PCNX2: variants seen among roughly 807,000 people sequenced by gnomAD.
PCNX2 encodes the protein pecanex 2, also known as pecanex-like protein 2.
PCNX2 carries 168 observed loss-of-function variants against 223.8 expected under a neutral mutation model. That is an observed-to-expected ratio of 0.75 (90% CI 0.66 to 0.85). PCNX2 has a LOEUF of 0.85. Ranked by LOEUF, PCNX2 falls within the 40% of genes least tolerant of loss-of-function variation. PCNX2 has a pLI of 0.00. For synonymous variants in PCNX2, 1,006 were observed against 1,052.6 expected (o/e 0.96, Z 0.86); for missense variants, 2,507 against 2,675.5 (o/e 0.94, Z 1.39).
chr1:232,999,458 T>C (rs1314412582), intron 30 of PCNX2, 79 bp from the exon 31 acceptor site: 161 of 1,409,816 alleles, frequency 1.1e-4, no homozygotes, highest in South Asian at 4.6e-4. Flanking sequence ...TTTTCTTTTT[T>C]TTTTTTTTTT....
intron 12 of PCNX2, chr1:233,210,657 GAATC>G: frequency 2.0e-6 from 2 of 985,170 alleles, no homozygotes; most frequent in Non-Finnish European, 2.4e-6. Context: ...TGCCACATAT[GAATC>G]AATCATCAAA....
Position 233,251,216 on chromosome 1 carries a change from A to G in PCNX2, c.2129-384T>C, listed in dbSNP as rs2274290. ...TAACCAGATTTTTTGGTATACGAAT[A>G]CCTCAGTATCATGTGCAAAAAGCAG... On this transcript the variant is annotated intron_variant, in intron 7 of 33. Transcript: ENST00000258229. 7.9e-5 allele frequency among the ~76,000 whole-genome samples: 12 copies of G among 152,332 alleles called. No individual in the cohort carries two copies. The East Asian group carries it at 2.3e-3, about 29-fold the overall frequency.
Position 233,252,426 on chromosome 1 carries a change from T to C in PCNX2, c.2056A>G (p.Ile686Val). The part of the protein sequence containing the change: ...SQQDSSVLQV[I>V]SGPETSVQEE... The stretch of plus-strand genomic sequence containing the variant: ...TGTACAGATGTTTCAGGCCCACTGA[T>C]GACTTGCAAGACAGAACTATCTTGT... Residue 686 changes from isoleucine to valine, a missense_variant, in exon 7 of 34, where the codon ATC becomes GTC. By Grantham distance (29) the Ile-to-Val change is conservative. Transcript: ENST00000258229. The C allele has an allele frequency of 6.2e-7, 1 of 1,613,892 alleles. No homozygotes were observed. Among genetic ancestry groups the C allele is most frequent in the Non-Finnish European group, 8.5e-7 (1 of 1,179,752 alleles).
intron 12 of PCNX2, among the ~76,000 whole-genome samples, chr1:233,211,138 T>C (rs1234928153): frequency 6.6e-6 from 1 of 152,054 alleles, no homozygotes; most frequent in East Asian, 1.9e-4. Context: ...CTGGGGTGTC[T>C]GGGAAAATTG....
intron 21 of PCNX2, among the ~76,000 whole-genome samples, chr1:233,115,813 A>C (rs554055638): frequency 2.2e-4 from 33 of 152,340 alleles, no homozygotes; most frequent in African/African-American, 7.7e-4. Flanking sequence ...AAACACTACC[A>C]TATCAATGAT....
At chr1:233,007,899 G>A (rs577865682) in intron 28 of PCNX2, among the ~76,000 whole-genome samples, 2 of 151,896 alleles carry the variant, frequency 1.3e-5, no homozygotes, top group African/African-American at 4.8e-5. Context: ...GGCTAGTCTC[G>A]AACTCCTGAC....
rs983527230 is a variant in PCNX2 at position 233,225,381 on chromosome 1, G to A, written c.2504+1845C>T. Reference sequence around the variant, plus strand: ...TATACCCATTTAACAGATAGGAAACGGACGCACTGGAAGGTTTCATAGCCA... The same window carrying A: ...TATACCCATTTAACAGATAGGAAACAGACGCACTGGAAGGTTTCATAGCCA... On this transcript the variant is annotated intron_variant, in intron 10 of 33. Transcript: ENST00000258229. Among the ~76,000 whole-genome samples the A allele has an allele frequency of 6.6e-5, 10 of 152,046 alleles. No homozygotes were observed. In the East Asian group the frequency reaches 9.6e-4, roughly 15 times the overall value.
chr1:233,122,946 A>G (rs969714957), intron 21 of PCNX2, among the ~76,000 whole-genome samples: 1 of 152,210 alleles, frequency 6.6e-6, no homozygotes, highest in African/African-American at 2.4e-5. Context: ...GGGACAGTCT[A>G]TAAAATACCT....
intron 17 of PCNX2, among the ~76,000 whole-genome samples, chr1:233,171,872 AT>A (rs1240086422): frequency 4.6e-5 from 7 of 151,150 alleles, no homozygotes; most frequent in African/African-American, 7.3e-5. Context: ...AAATTTCTTG[AT>A]TTTTTTTCTT....
At chr1:233,267,412 G>A (rs1337402375) in intron 1 of PCNX2, among the ~76,000 whole-genome samples, 1 of 152,100 alleles carries the variant, frequency 6.6e-6, no homozygotes, top group Non-Finnish European at 1.5e-5. Flanking sequence ...AAAATGTAGA[G>A]CTGAGGAGTG....
At chr1:233,248,761 A>G (rs550590639) in intron 8 of PCNX2, among the ~76,000 whole-genome samples, 14 of 152,128 alleles carry the variant, frequency 9.2e-5, no homozygotes, top group Non-Finnish European at 2.1e-4. Context: ...AGGGCCTGGT[A>G]TTCTGAGACT....
At chr1:233,200,307 G>C in intron 13 of PCNX2, 43 bp from the exon 14 acceptor site, 1 of 1,403,844 alleles carries the variant, frequency 7.1e-7, no homozygotes, top group Non-Finnish European at 9.8e-7. Flanking sequence ...ATGGGGAACT[G>C]TGTTGCCAAG....
Position 233,152,949 on chromosome 1 carries a change from C to T in PCNX2, c.3517+7334G>A, listed in dbSNP as rs536601128. On this transcript the variant is annotated intron_variant, in intron 19 of 33. Transcript: ENST00000258229. Reference sequence around the variant, plus strand: ...AAAACTGAATCACAATGGCGAAGCACACTTAATATGCGACAGAACCAGGGT... The same window carrying T: ...AAAACTGAATCACAATGGCGAAGCATACTTAATATGCGACAGAACCAGGGT... Among the ~76,000 whole-genome samples, 8 of 152,322 alleles carry T rather than the reference C, an allele frequency of 5.3e-5. No individual in the cohort carries two copies. In the South Asian group the frequency reaches 6.2e-4, roughly 12 times the overall value.
intron 9 of PCNX2, among the ~76,000 whole-genome samples, chr1:233,233,621 C>T (rs951827591): frequency 6.6e-6 from 1 of 152,028 alleles, no homozygotes; most frequent in Non-Finnish European, 1.5e-5. Context: ...CCTGACCACC[C>T]GCCCATTAGA....
chr1:233,252,792 A>G lies in PCNX2; in HGVS notation c.1835-4T>C, dbSNP rs41520446. ...TTTTTTTCCTGGGAACAGTTATCTGAAAAACATTGCTTTACTTGTTAATTT... is the reference window on the plus strand; with the variant it reads ...TTTTTTTCCTGGGAACAGTTATCTGGAAAACATTGCTTTACTTGTTAATTT... On this transcript the variant is annotated splice_polypyrimidine_tract_variant and splice_region_variant and intron_variant, in intron 5 of 33. Coordinates refer to ENST00000258229, the MANE Select transcript of PCNX2 (RefSeq NM_014801.4). The G allele has an allele frequency of 5.6e-3, 8,933 of 1,600,220 alleles. 463 individuals are homozygous for G. In the African/African-American group the frequency reaches 0.11, roughly 19 times the overall value.
intron 17 of PCNX2, among the ~76,000 whole-genome samples, chr1:233,162,826 C>A (rs919737007): frequency 6.6e-6 from 1 of 152,048 alleles, no homozygotes; most frequent in Admixed American, 6.6e-5. Flanking sequence ...AAACATTTTC[C>A]CGAATATTCT....
chr1:233,191,853 G>A (rs940731220), intron 15 of PCNX2, among the ~76,000 whole-genome samples: 5 of 152,144 alleles, frequency 3.3e-5, no homozygotes, highest in Non-Finnish European at 5.9e-5. Context: ...TCGTAGAGGC[G>A]GCAGCATTTA....
At chr1:233,299,502 G>C (rs1311595270), upstream of PCNX2, among the ~76,000 whole-genome samples, 1 of 152,318 alleles carries the variant, frequency 6.6e-6, no homozygotes, top group East Asian at 1.9e-4. Flanking sequence ...ATCAGACAAA[G>C]CAGAATATGC....
chr1:232,990,536 A>C lies in PCNX2; in HGVS notation c.5792-3996T>G, dbSNP rs1267022261. On this transcript the variant is annotated intron_variant, in intron 32 of 33. Transcript: ENST00000258229. The surrounding 1 kb of genome is among the most constrained non-coding windows in gnomAD (Gnocchi z 4.3). ...CCTACAGCTGCAACTCTGAGACCCA[A>C]GGGCTTTGCACCCTCGCCCTCTAGG... is the stretch of plus-strand genomic sequence containing the variant. Among the ~76,000 whole-genome samples the C allele has an allele frequency of 6.6e-6, 1 of 152,198 alleles. No individual in the cohort carries two copies. Among genetic ancestry groups the C allele is most frequent in the Non-Finnish European group, 1.5e-5 (1 of 68,034 alleles).
Sources: gnomAD v4.1 joint callset for allele counts (sites outside exome capture counted in the v4.1 genomes callset) on GRCh38, gnomAD v4.1.1 for gene constraint, Gnocchi (gnomAD v3.1) non-coding constraint, MANE v1.5 for transcripts, NCBI Gene and HGNC (gene_info 2026-07-23, HGNC 2026-07-21) for gene names.